ELP4: variants seen among roughly 807,000 people sequenced by gnomAD.
ELP4 encodes elongator complex protein 4.
Under a neutral mutation model 48.9 loss-of-function variants are expected in ELP4, and 51 were observed. That is an observed-to-expected ratio of 1.04 (90% CI 0.83 to 1.32). ELP4 has a LOEUF of 1.32. ELP4 is among the 40% of genes most tolerant of loss of function. The pLI, the probability that ELP4 is intolerant of heterozygous loss-of-function variation, is 0.00. For synonymous variants in ELP4, 210 were observed against 189.2 expected, an observed-to-expected ratio of 1.11 and a Z score of -0.90; for missense variants, 519 against 514.6, an observed-to-expected ratio of 1.01 and a Z score of -0.08.
intron 9 of ELP4, among the ~76,000 whole-genome samples, chr11:31,690,231 C>G (rs1056315444): frequency 5.3e-5 from 8 of 152,054 alleles, no homozygotes; most frequent in African/African-American, 1.9e-4. Context: ...CTGTTTCCAC[C>G]TCATTCTACT....
chr11:31,735,765 C>A (rs1369235708), intron 9 of ELP4, among the ~76,000 whole-genome samples: 1 of 152,142 alleles, frequency 6.6e-6, no homozygotes. Flanking sequence ...ATCCAACTTA[C>A]AAGAGATATG....
At chr11:31,749,119 C>T (rs1015948139) in intron 9 of ELP4, among the ~76,000 whole-genome samples, 1 of 152,062 alleles carries the variant, frequency 6.6e-6, no homozygotes, top group East Asian at 1.9e-4. Flanking sequence ...ATGGGGATGA[C>T]TTATGGAATG....
At chr11:31,673,828 A>G (rs1945860168) in intron 9 of ELP4, among the ~76,000 whole-genome samples, 1 of 152,224 alleles carries the variant, frequency 6.6e-6, no homozygotes, top group African/African-American at 2.4e-5. Context: ...TCTATATAAT[A>G]TGATGCACTA....
At chr11:31,540,566 C>T (rs992508275) in intron 3 of ELP4, among the ~76,000 whole-genome samples, 2 of 152,108 alleles carry the variant, frequency 1.3e-5, no homozygotes, top group Non-Finnish European at 2.9e-5. Flanking sequence ...GGGATTCTCC[C>T]ACCTGGGCCT....
At chr11:31,636,653 T>C (rs1321250913) in intron 7 of ELP4, among the ~76,000 whole-genome samples, 1 of 151,976 alleles carries the variant, frequency 6.6e-6, no homozygotes, top group African/African-American at 2.4e-5. Context: ...ATTGTTATAA[T>C]AAGACTTTTG....
intron 9 of ELP4, chr11:31,662,553 C>A (rs923136885): frequency 4.8e-5 from 19 of 397,720 alleles, no homozygotes; most frequent in Non-Finnish European, 2.2e-5. Context: ...ATCTTACGAC[C>A]TGCGAAGGCA....
At position 31,668,675 on chromosome 11, in the gene ELP4, C is replaced by CGTGTGTGTGT. The variant is rs367795416; in HGVS notation, c.1143+18491_1143+18500dup. Reference sequence around the variant, plus strand: ...ATCGGAATGAAATTTCCTTTGGTACCGTGTGTGTGTGTGTGTGTGTGTGTG... The same window carrying CGTGTGTGTGT: ...ATCGGAATGAAATTTCCTTTGGTACCGTGTGTGTGTGTGTGTGTGTGTGTGTGTGTGTGTG... On this transcript the variant is annotated intron_variant, in intron 9 of 9. Coordinates refer to ENST00000640961, the MANE Select transcript of ELP4 (RefSeq NM_019040.5). 2.2e-3 allele frequency among the ~76,000 whole-genome samples: 261 copies of CGTGTGTGTGT among 121,104 alleles called. 1 individual carries two copies. Among genetic ancestry groups the CGTGTGTGTGT allele is most frequent in the Admixed American group, 3.0e-3 (36 of 11,886 alleles). The allele number at this position is 121,104 out of a possible 152,430, so 79.4% of individuals were successfully genotyped here. A position where few individuals can be genotyped will look rare whatever the true frequency, so the allele number is the denominator to read the frequency against.
At chr11:31,763,458 A>G (rs1204403820) in intron 9 of ELP4, 1 of 1,610,656 alleles carries the variant, frequency 6.2e-7, no homozygotes, top group Admixed American at 1.7e-5. Flanking sequence ...TTTATCCTCC[A>G]GGCTTCTCAT....
chr11:31,666,053 G>T, intron 9 of ELP4, among the ~76,000 whole-genome samples: 1 of 119,594 alleles, frequency 8.4e-6, no homozygotes, highest in African/African-American at 3.5e-5. Flanking sequence ...CTGTCCCCCA[G>T]GCTGGAGTAC....
intron 9 of ELP4, among the ~76,000 whole-genome samples, chr11:31,675,475 G>A (rs1945903314): frequency 1.3e-5 from 2 of 152,102 alleles, no homozygotes; most frequent in African/African-American, 4.8e-5. Context: ...TGTTGAGGCT[G>A]GTCTCGAACT....
At chr11:31,583,833 A>G (rs2133975580) in intron 3 of ELP4, among the ~76,000 whole-genome samples, 1 of 152,344 alleles carries the variant, frequency 6.6e-6, no homozygotes, top group African/African-American at 2.4e-5. Flanking sequence ...GAAATGTTCT[A>G]TTCCAGAACT....
chr11:31,576,502 G>A lies in ELP4; in HGVS notation c.382-18268G>A, dbSNP rs543010493. Among the ~76,000 whole-genome samples the A allele has an allele frequency of 2.6e-5, 4 of 152,152 alleles. No homozygotes were observed. In the South Asian group the frequency reaches 6.2e-4, roughly 24 times the overall value. On this transcript the variant is annotated intron_variant, in intron 3 of 9. Transcript: ENST00000640961. The stretch of plus-strand genomic sequence containing the variant: ...ACAGAATATACATTCTTCTCAGCAC[G>A]ACATCACACTTATTCCTAAATTGAC...
intron 6 of ELP4, among the ~76,000 whole-genome samples, chr11:31,628,871 G>A (rs1686884801): frequency 6.6e-6 from 1 of 152,014 alleles, no homozygotes; most frequent in African/African-American, 2.4e-5. Context: ...AGTTCTAGAA[G>A]CCAGAGAAAT....
At chr11:31,679,502 C>T (rs1031635049) in intron 9 of ELP4, among the ~76,000 whole-genome samples, 37 of 152,134 alleles carry the variant, frequency 2.4e-4, no homozygotes, top group African/African-American at 7.5e-4. Flanking sequence ...TTTCTCCCTA[C>T]GTTTTCCCTC....
chr11:31,782,780 T>G (rs913008571), intron 9 of ELP4, among the ~76,000 whole-genome samples: 4 of 152,176 alleles, frequency 2.6e-5, no homozygotes, highest in African/African-American at 9.7e-5. Context: ...CGGTAATAGA[T>G]GCTGTGGCTG....
chr11:31,563,683 GA>G (rs1320863311), intron 3 of ELP4, among the ~76,000 whole-genome samples: 2 of 152,076 alleles, frequency 1.3e-5, no homozygotes, highest in Non-Finnish European at 2.9e-5. Context: ...TTGGCTAAAA[GA>G]GAAATTTCAT....
At chr11:31,546,218 G>T (rs1251342321) in intron 3 of ELP4, among the ~76,000 whole-genome samples, 1 of 152,026 alleles carries the variant, frequency 6.6e-6, no homozygotes, top group African/African-American at 2.4e-5. Context: ...AGACCCATCA[G>T]TGTGCTGTAT....
At chr11:31,687,104 G>C (rs1946177390) in intron 9 of ELP4, among the ~76,000 whole-genome samples, 1 of 152,080 alleles carries the variant, frequency 6.6e-6, no homozygotes, top group South Asian at 2.1e-4. Flanking sequence ...ATCTGATTTG[G>C]GTGACTAGAT....
At chr11:31,548,202 G>C (rs572436350) in intron 3 of ELP4, among the ~76,000 whole-genome samples, 1 of 152,316 alleles carries the variant, frequency 6.6e-6, no homozygotes, top group South Asian at 2.1e-4. Flanking sequence ...AATTGTCCCT[G>C]TTTACAGATG....
Sources: allele counts gnomAD v4.1 joint callset (sites outside exome capture counted in the v4.1 genomes callset), GRCh38; gene constraint gnomAD v4.1.1; transcripts MANE v1.5; gene names NCBI Gene and HGNC (gene_info 2026-07-23, HGNC 2026-07-21).